The following MAST4 variants were observed in gnomAD, a reference collection of about 807,000 sequenced individuals.
MAST4 encodes the protein microtubule associated serine/threonine kinase family member 4.
Under a neutral mutation model 162.7 loss-of-function variants are expected in MAST4, and 89 were observed. The ratio of observed to expected loss-of-function variants is 0.55; its 90% confidence interval spans 0.46 to 0.65. The LOEUF (loss-of-function observed/expected upper bound fraction) is 0.65, where lower values mean the gene tolerates loss of function less well. MAST4 is among the 30% of genes least tolerant of loss of function. The probability of loss-of-function intolerance (pLI) is 0.00; values close to 1 mark genes in which losing one functional copy is unlikely to be tolerated. For missense variants in MAST4, 3,153 were observed against 3,374.0 expected, an observed-to-expected ratio of 0.93 and a Z score of 1.62; for synonymous variants, 1,479 against 1,361.1, an observed-to-expected ratio of 1.09 and a Z score of -1.91.
At chr5:66,644,596 A>G (rs1414224454) in intron 1 of MAST4, among the ~76,000 whole-genome samples, 1 of 152,152 alleles carries the variant, frequency 6.6e-6, no homozygotes, top group African/African-American at 2.4e-5. Flanking sequence ...TGGCCTCCAA[A>G]GGATACAAGT....
intron 1 of MAST4, among the ~76,000 whole-genome samples, chr5:66,676,052 T>A (rs769093226): frequency 6.6e-6 from 1 of 152,224 alleles, no homozygotes; most frequent in South Asian, 2.1e-4. Context: ...GAAATCTTCA[T>A]TGATTTTTGG....
chr5:66,701,211 T>C (rs952373633), intron 1 of MAST4, among the ~76,000 whole-genome samples: 3 of 152,236 alleles, frequency 2.0e-5, no homozygotes, highest in African/African-American at 7.2e-5. Flanking sequence ...GCTGTTTCTC[T>C]TTATAGGTTG....
intron 4 of MAST4, among the ~76,000 whole-genome samples, chr5:66,937,749 A>G (rs1040136171): frequency 6.6e-6 from 1 of 152,124 alleles, no homozygotes; most frequent in Non-Finnish European, 1.5e-5. Flanking sequence ...GGTGCATATT[A>G]AAAGTATACA....
At chr5:67,008,991 G>C (rs539652429) in intron 4 of MAST4, among the ~76,000 whole-genome samples, 5 of 152,002 alleles carry the variant, frequency 3.3e-5, no homozygotes, top group Non-Finnish European at 7.4e-5. Flanking sequence ...TCTTGCCCTG[G>C]TATTCCAGGT....
At chr5:66,845,144 G>T (rs1211924207) in intron 3 of MAST4, among the ~76,000 whole-genome samples, 6 of 91,912 alleles carry the variant, frequency 6.5e-5, no homozygotes, top group Non-Finnish European at 1.1e-4. Flanking sequence ...CACACTTGAA[G>T]TTCTAGGTTA....
intron 3 of MAST4, among the ~76,000 whole-genome samples, chr5:66,830,209 TCTTTC>T (rs1267346062): frequency 1.3e-5 from 2 of 152,206 alleles, no homozygotes; most frequent in Non-Finnish European, 2.9e-5. Flanking sequence ...GTGAGTTTTC[TCTTTC>T]CTTTAATTCA....
chr5:66,608,068 T>TG (rs1561209382), intron 1 of MAST4, among the ~76,000 whole-genome samples: 9 of 83,172 alleles, frequency 1.1e-4, no homozygotes, highest in Admixed American at 1.4e-4. Context: ...TTTTTTTTTG[T>TG]TTTTTTTTTT....
chr5:67,152,686 G>T lies in MAST4; in HGVS notation c.3345G>T (p.Leu1115=). The change falls in exon 25 of 29, where the codon CTG becomes CTT. Residue 1115 remains leucine (L), a synonymous_variant. Transcript: ENST00000403625. ...GAAGTCCAATGTCTCCCCATTCCCT[G>T]TCCTCGGACCCTTCTTCTTCACGAG... The part of the protein sequence containing the change: ...PLGSPMSPHS[L]SSDPSSSRDS... 1.2e-6 allele frequency: 2 copies of T among 1,613,988 alleles called. No homozygotes were observed. Among genetic ancestry groups the T allele is most frequent in the Non-Finnish European group, 1.7e-6 (2 of 1,179,900 alleles).
At chr5:66,650,611 G>C (rs538056085) in intron 1 of MAST4, among the ~76,000 whole-genome samples, 1 of 152,206 alleles carries the variant, frequency 6.6e-6, no homozygotes, top group South Asian at 2.1e-4. Context: ...ATTTTTATTA[G>C]TATGTTTAGC....
At chr5:67,053,197 G>A (rs1304151508) in intron 4 of MAST4, among the ~76,000 whole-genome samples, 2 of 152,160 alleles carry the variant, frequency 1.3e-5, no homozygotes, top group African/African-American at 4.8e-5. Flanking sequence ...ATAAATATGG[G>A]ACTGTTGACA....
chr5:66,963,370 A>G (rs1746258474), intron 4 of MAST4, among the ~76,000 whole-genome samples: 2 of 152,184 alleles, frequency 1.3e-5, no homozygotes, highest in South Asian at 4.1e-4. Flanking sequence ...TTGTCTTCTT[A>G]ATCTAGAATA....
At chr5:66,693,206 C>A (rs1317684057) in intron 1 of MAST4, among the ~76,000 whole-genome samples, 2 of 151,986 alleles carry the variant, frequency 1.3e-5, no homozygotes, top group African/African-American at 4.8e-5. Context: ...GCCTTGCTTT[C>A]AACAAGTCAT....
At position 67,142,025 on chromosome 5, in the gene MAST4, C is replaced by G. The variant is rs930803341; in HGVS notation, c.2495-90C>G. 3.0e-6 allele frequency: 4 copies of G among 1,332,948 alleles called. No homozygotes were observed. In the Admixed American group the frequency reaches 8.4e-5, roughly 28 times the overall value. 82.6% of individuals were successfully genotyped at this position (1,332,948 alleles called of 1,614,324 possible). ...GTCTGTATTTCTTTGCTGATATGTT[C>G]TCAAAATTGTTGTTAAAAACTGATG... On this transcript the variant is annotated intron_variant, in intron 19 of 28. Coordinates refer to ENST00000403625, the MANE Select transcript of MAST4 (RefSeq NM_001164664.2).
intron 5 of MAST4, among the ~76,000 whole-genome samples, chr5:67,061,362 T>C (rs1355255288): frequency 6.6e-6 from 1 of 152,236 alleles, no homozygotes; most frequent in Non-Finnish European, 1.5e-5. Flanking sequence ...TTGTATCTCC[T>C]TTTGTTATTT....
intron 4 of MAST4, among the ~76,000 whole-genome samples, chr5:66,920,860 A>T (rs1422344682): frequency 6.6e-6 from 1 of 152,192 alleles, no homozygotes; most frequent in African/African-American, 2.4e-5. Context: ...AGATAGAGTC[A>T]TTAGAATAGA....
At position 67,153,590 on chromosome 5, in the gene MAST4, GT is replaced by G. The variant is rs765019484; in HGVS notation, c.3648+14del. 35 of 1,565,832 alleles carry G rather than the reference GT, an allele frequency of 2.2e-5. No homozygotes were observed. Among genetic ancestry groups the G allele is most frequent in the Non-Finnish European group, 2.9e-5 (34 of 1,155,288 alleles). On this transcript the variant is annotated intron_variant, in intron 26 of 28. Coordinates refer to ENST00000403625, the MANE Select transcript of MAST4 (RefSeq NM_001164664.2). The stretch of plus-strand genomic sequence containing the variant: ...AGAACTCCTACTGAAGGTATTGTAT[GT>G]TTTATGTCAGGGCCATGCTGATGAG...
At chr5:66,750,387 G>T (rs1753061903) in intron 1 of MAST4, among the ~76,000 whole-genome samples, 1 of 152,240 alleles carries the variant, frequency 6.6e-6, no homozygotes, top group African/African-American at 2.4e-5. Flanking sequence ...TGAGGTACCG[G>T]GTTCATCTCA....
chr5:66,694,304 A>G (rs1373069533), intron 1 of MAST4, among the ~76,000 whole-genome samples: 2 of 151,898 alleles, frequency 1.3e-5, no homozygotes, highest in Non-Finnish European at 2.9e-5. Context: ...CTGAAGGTCC[A>G]CCCCTTTCAG....
intron 1 of MAST4, among the ~76,000 whole-genome samples, chr5:66,616,605 T>C (rs1350684782): frequency 1.3e-5 from 2 of 151,924 alleles, no homozygotes; most frequent in Non-Finnish European, 2.9e-5. Context: ...GTGAAGGGCT[T>C]CTCTTCTGGA....
Sources: gnomAD v4.1 joint callset for allele counts (sites outside exome capture counted in the v4.1 genomes callset) on GRCh38, gnomAD v4.1.1 for gene constraint, MANE v1.5 for transcripts, NCBI Gene and HGNC (gene_info 2026-07-23, HGNC 2026-07-21) for gene names.